RUNDC3B: variants seen among roughly 807,000 people sequenced by gnomAD.
RUNDC3B encodes the protein RUN domain containing 3B.
In RUNDC3B, 33 loss-of-function variants were observed where a neutral mutation model predicts 58.4. The observed-to-expected ratio is 0.56, with a 90% confidence interval of 0.43 to 0.75. The LOEUF (loss-of-function observed/expected upper bound fraction) is 0.75. RUNDC3B is among the 30% of genes least tolerant of loss of function. The pLI is 0.00. For synonymous variants in RUNDC3B, 193 were observed against 195.2 expected (o/e 0.99, Z 0.10); for missense variants, 501 against 535.7 (o/e 0.94, Z 0.64).
At chr7:87,763,154 G>T (rs988418883) in intron 6 of RUNDC3B, among the ~76,000 whole-genome samples, 2 of 151,478 alleles carry the variant, frequency 1.3e-5, no homozygotes, top group Non-Finnish European at 3.0e-5. Context: ...CAAAGTTGAA[G>T]GTTAATGTCT....
chr7:87,823,166 C>T (rs561382468), intron 10 of RUNDC3B, among the ~76,000 whole-genome samples: 1 of 152,182 alleles, frequency 6.6e-6, no homozygotes, highest in South Asian at 2.1e-4. Flanking sequence ...CCACCTTTAG[C>T]CAGATCTATT....
At chr7:87,725,145 G>A (rs1289174915) in intron 4 of RUNDC3B, among the ~76,000 whole-genome samples, 1 of 152,062 alleles carries the variant, frequency 6.6e-6, no homozygotes, top group African/African-American at 2.4e-5. Flanking sequence ...CAACGTGCAG[G>A]TTTGTTACAT....
intron 1 of RUNDC3B, among the ~76,000 whole-genome samples, chr7:87,639,896 A>G (rs1441112130): frequency 6.6e-6 from 1 of 151,664 alleles, no homozygotes; most frequent in Non-Finnish European, 1.5e-5. Context: ...TTACTATTAT[A>G]TTTGGATTTA....
intron 9 of RUNDC3B, among the ~76,000 whole-genome samples, chr7:87,808,057 C>G (rs1359231172): frequency 2.0e-5 from 3 of 152,092 alleles, no homozygotes; most frequent in Non-Finnish European, 4.4e-5. Context: ...GAGTCTTAGG[C>G]TGTTTTCCTT....
chr7:87,720,880 G>A (rs1368138957), intron 4 of RUNDC3B, among the ~76,000 whole-genome samples: 1 of 14,138 alleles, frequency 7.1e-5, no homozygotes, highest in East Asian at 2.3e-3. Context: ...GATTACAGGC[G>A]TGAGCCCTCG....
At chr7:87,700,641 G>A in intron 3 of RUNDC3B, 87 bp downstream of exon 3, 1 of 1,255,208 alleles carries the variant, frequency 8.0e-7, no homozygotes, top group Non-Finnish European at 1.1e-6. Context: ...TACTTACTAT[G>A]AATTTCCTTT....
chr7:87,629,642 A>C (rs921929696), intron 1 of RUNDC3B, among the ~76,000 whole-genome samples: 2 of 152,112 alleles, frequency 1.3e-5, no homozygotes, highest in African/African-American at 4.8e-5. Context: ...AATAATTACT[A>C]TTGGGCCGGG....
At chr7:87,741,202 C>T in intron 5 of RUNDC3B, among the ~76,000 whole-genome samples, 1 of 149,048 alleles carries the variant, frequency 6.7e-6, no homozygotes, top group East Asian at 2.0e-4. Flanking sequence ...AAGACTCCCT[C>T]TCAAAAAAAA....
intron 6 of RUNDC3B, among the ~76,000 whole-genome samples, chr7:87,751,135 G>A (rs1164987345): frequency 1.3e-5 from 2 of 152,120 alleles, no homozygotes; most frequent in Non-Finnish European, 2.9e-5. Context: ...ATTAAATAGG[G>A]AATCCTTTCC....
At chr7:87,700,578 T>A (rs771189417) in intron 3 of RUNDC3B, 24 bp downstream of exon 3, 5 of 1,588,702 alleles carry the variant, frequency 3.1e-6, no homozygotes, top group Admixed American at 1.8e-5. Context: ...CAGAGACTCG[T>A]TTCTATTTTT....
At chr7:87,693,824 T>C (rs2130658091) in intron 2 of RUNDC3B, 1 of 1,282,060 alleles carries the variant, frequency 7.8e-7, no homozygotes, top group Non-Finnish European at 1.1e-6. Context: ...GCCATCTTAG[T>C]TGGGCTATTC....
chr7:87,652,384 T>A (rs2130383386), intron 2 of RUNDC3B, among the ~76,000 whole-genome samples: 1 of 152,168 alleles, frequency 6.6e-6, no homozygotes, highest in African/African-American at 2.4e-5. Flanking sequence ...TTCTGAGTTG[T>A]GCTTCAGCAA....
At chr7:87,802,452 G>A (rs1397260638) in intron 8 of RUNDC3B, among the ~76,000 whole-genome samples, 1 of 151,802 alleles carries the variant, frequency 6.6e-6, no homozygotes, top group Non-Finnish European at 1.5e-5. Flanking sequence ...AGGGAAAGTG[G>A]GTAAATGGAC....
chr7:87,778,949 A>G (rs77845151), intron 8 of RUNDC3B, among the ~76,000 whole-genome samples: 4,230 of 152,272 alleles, frequency 0.028, 185 homozygotes, highest in African/African-American at 0.095. Context: ...AAGAATTCCC[A>G]TATGATGTTT....
intron 1 of RUNDC3B, among the ~76,000 whole-genome samples, chr7:87,643,882 T>G (rs1822706443): frequency 6.6e-6 from 1 of 150,546 alleles, no homozygotes; most frequent in Non-Finnish European, 1.5e-5. Context: ...CTTTTTTTGT[T>G]TGTTTCCGCT....
chr7:87,775,609 CTT>C (rs1834577224), intron 7 of RUNDC3B, among the ~76,000 whole-genome samples: 1 of 152,174 alleles, frequency 6.6e-6, no homozygotes, highest in South Asian at 2.1e-4. Flanking sequence ...TACTGACTCA[CTT>C]TGAGCAATTT....
At position 87,703,885 on chromosome 7, in the gene RUNDC3B, CTT is replaced by C; in HGVS notation, c.372+3357_372+3358del. Reference sequence around the variant, plus strand: ...CTTAGGTGAGCTTTATCAGTTTTTTCTTTTTTTTTTTTTTTTTTTTTTTTTTT... The same window carrying C: ...CTTAGGTGAGCTTTATCAGTTTTTTCTTTTTTTTTTTTTTTTTTTTTTTTT... On this transcript the variant is annotated intron_variant, in intron 3 of 10. Transcript: ENST00000394654. Among the ~76,000 whole-genome samples the C allele has an allele frequency of 5.0e-3, 303 of 60,282 alleles. 2 individuals are homozygous for C. Among genetic ancestry groups the C allele is most frequent in the Middle Eastern group, 0.03 (2 of 66 alleles). The allele number at this position is 60,282 out of a possible 152,430, so 39.5% of individuals were successfully genotyped here.
At chr7:87,639,941 TTC>T (rs747661376) in intron 1 of RUNDC3B, among the ~76,000 whole-genome samples, 1 of 151,642 alleles carries the variant, frequency 6.6e-6, no homozygotes, top group Non-Finnish European at 1.5e-5. Context: ...GTTTGCTTTT[TTC>T]TCTTTTCTTG....
intron 1 of RUNDC3B, among the ~76,000 whole-genome samples, chr7:87,642,155 C>G (rs1822522915): frequency 6.6e-6 from 1 of 151,796 alleles, no homozygotes; most frequent in Admixed American, 6.6e-5. Context: ...TGCCAGAATT[C>G]AAACCCAAAT....
Sources: gnomAD v4.1 joint callset for allele counts (sites outside exome capture counted in the v4.1 genomes callset) on GRCh38, gnomAD v4.1.1 for gene constraint, MANE v1.5 for transcripts, NCBI Gene and HGNC (gene_info 2026-07-23, HGNC 2026-07-21) for gene names.